Variants in GPHN observed in about 807,000 individuals in gnomAD.
GPHN encodes gephyrin.
Under a neutral mutation model 95.5 loss-of-function variants are expected in GPHN, and 17 were observed. The observed-to-expected ratio is 0.18, with a 90% CI of 0.12 to 0.27. The LOEUF (loss-of-function observed/expected upper bound fraction) is 0.27, where lower values mean the gene tolerates loss of function less well. GPHN is among the 10% of genes least tolerant of loss of function. GPHN has a pLI of 1.00. For synonymous variants in GPHN, 320 were observed against 322.5 expected, an observed-to-expected ratio of 0.99 and a Z score of 0.08; for missense variants, 660 against 978.1, an observed-to-expected ratio of 0.67 and a Z score of 4.34.
chr14:66,562,205 A>G (rs1848203490), intron 1 of GPHN, among the ~76,000 whole-genome samples: 1 of 152,130 alleles, frequency 6.6e-6, no homozygotes, highest in African/African-American at 2.4e-5. Flanking sequence ...GGTCCTGTAA[A>G]TTAGACTGAT....
the GPHN span, among the ~76,000 whole-genome samples, chr14:67,708,405 A>G: frequency 6.6e-6 from 1 of 152,148 alleles, no homozygotes; most frequent in African/African-American, 2.4e-5. Context: ...GTTATCAGAA[A>G]CCTGCATTTA....
the GPHN span, among the ~76,000 whole-genome samples, chr14:67,202,346 C>G: frequency 6.6e-6 from 1 of 152,106 alleles, no homozygotes; most frequent in Non-Finnish European, 1.5e-5. Context: ...GAGGCTGAGA[C>G]AGGAGAATCA....
chr14:66,983,781 C>T (rs2070840361), intron 9 of GPHN, among the ~76,000 whole-genome samples: 1 of 152,062 alleles, frequency 6.6e-6, no homozygotes, highest in South Asian at 2.1e-4. Context: ...TGAAATGGTA[C>T]AGGAAAAATG....
At chr14:67,070,593 G>A (rs2076247574) in intron 11 of GPHN, among the ~76,000 whole-genome samples, 1 of 148,172 alleles carries the variant, frequency 6.7e-6, no homozygotes, top group African/African-American at 2.5e-5. Flanking sequence ...CTACTGGGGA[G>A]GCTGAGGCAG....
At chr14:67,729,255 C>G in the GPHN span, 1 of 1,609,256 alleles carries the variant, frequency 6.2e-7, no homozygotes. Flanking sequence ...TCCGGCACTC[C>G]TCCCTGCTCT....
the GPHN span, among the ~76,000 whole-genome samples, chr14:67,526,918 G>A: frequency 5.3e-5 from 8 of 152,264 alleles, no homozygotes; most frequent in Admixed American, 6.5e-5. Context: ...ACACACCATC[G>A]AAAACCCTGA....
At chr14:67,467,536 A>T in the GPHN span, among the ~76,000 whole-genome samples, 1 of 152,192 alleles carries the variant, frequency 6.6e-6, no homozygotes, top group Non-Finnish European at 1.5e-5. Flanking sequence ...GCTCTCCTCC[A>T]CTAGGCGGGA....
chr14:67,328,326 A>G, the GPHN span, among the ~76,000 whole-genome samples: 5 of 151,452 alleles, frequency 3.3e-5, no homozygotes, highest in African/African-American at 7.3e-5. Context: ...TTTTGATGGG[A>G]TTGTTTGATT....
In GPHN at chr14:67,018,578, A is replaced by AT. The variant is rs1162264623; in HGVS notation, c.964-5054dup. ...GCATGCCTACCGTGCATATGGCCAT[A>AT]TGGCTATGACATTTCCAAAATGTTC... On this transcript the variant is annotated intron_variant, in intron 9 of 22. Coordinates refer to ENST00000478722, the MANE Select transcript of GPHN (RefSeq NM_020806.5). Among the ~76,000 whole-genome samples the AT allele has an allele frequency of 2.6e-5, 4 of 152,310 alleles. No homozygotes were observed. The East Asian group carries it at 7.7e-4, about 29-fold the overall frequency.
intron 9 of GPHN, among the ~76,000 whole-genome samples, chr14:66,985,891 C>CT (rs547860598): frequency 1.3e-5 from 2 of 150,902 alleles, no homozygotes; most frequent in Admixed American, 6.6e-5. Flanking sequence ...GGTCATATTA[C>CT]TTTTTTTTTG....
At chr14:66,932,424 G>A (rs182485516) in intron 8 of GPHN, among the ~76,000 whole-genome samples, 1 of 139,274 alleles carries the variant, frequency 7.2e-6, no homozygotes, top group African/African-American at 2.7e-5. Flanking sequence ...TCAGCAGGTG[G>A]GGAATCCTGC....
At chr14:67,567,153 C>G in the GPHN span, among the ~76,000 whole-genome samples, 6 of 151,004 alleles carry the variant, frequency 4.0e-5, no homozygotes, top group Non-Finnish European at 7.4e-5. Context: ...TTCCGTGTTC[C>G]GGGGAGAGCT....
chr14:67,211,340 A>T, the GPHN span, among the ~76,000 whole-genome samples: 1 of 152,204 alleles, frequency 6.6e-6, no homozygotes, highest in Non-Finnish European at 1.5e-5. Flanking sequence ...TTTGACTCAC[A>T]TTGAATACAG....
At chr14:67,243,931 TCTGA>T in the GPHN span, among the ~76,000 whole-genome samples, 2 of 152,230 alleles carry the variant, frequency 1.3e-5, no homozygotes, top group Non-Finnish European at 2.9e-5. Flanking sequence ...TAATCCGTAG[TCTGA>T]CTGCTAGTTA....
chr14:67,692,365 C>T, the GPHN span: 4 of 1,522,348 alleles, frequency 2.6e-6, no homozygotes, highest in Non-Finnish European at 3.6e-6. Context: ...GGAAGAGGGA[C>T]CTTTTCCTTT....
chr14:66,598,892 A>C (rs1384140342), intron 1 of GPHN, among the ~76,000 whole-genome samples: 1 of 151,258 alleles, frequency 6.6e-6, no homozygotes, highest in African/African-American at 2.4e-5. Flanking sequence ...TCAGCCTTGC[A>C]GTTGATGCAG....
chr14:67,557,457 G>T, the GPHN span: 48 of 1,597,148 alleles, frequency 3.0e-5, no homozygotes, highest in African/African-American at 5.4e-4. Context: ...TGCCCTCTTC[G>T]ACATCTGTAC....
At chr14:67,075,158 G>T (rs1024372467) in intron 11 of GPHN, among the ~76,000 whole-genome samples, 2 of 152,184 alleles carry the variant, frequency 1.3e-5, no homozygotes, top group Non-Finnish European at 2.9e-5. Context: ...GTGACTTTAA[G>T]TTGAAGCCAA....
intron 9 of GPHN, among the ~76,000 whole-genome samples, chr14:67,001,349 A>G (rs569144610): frequency 4.0e-5 from 6 of 151,210 alleles, no homozygotes; most frequent in African/African-American, 1.4e-4. Context: ...CAAATAAATG[A>G]TGGCACATTA....
Sources: gnomAD v4.1 joint callset for allele counts (sites outside exome capture counted in the v4.1 genomes callset) on GRCh38, gnomAD v4.1.1 for gene constraint, MANE v1.5 for transcripts, NCBI Gene and HGNC (gene_info 2026-07-23, HGNC 2026-07-21) for gene names.